Variants in USP25 observed in about 807,000 individuals in gnomAD.
USP25 encodes the protein ubiquitin carboxyl-terminal hydrolase 25.
In USP25, 85 loss-of-function variants were observed where a neutral mutation model predicts 158.5. That is an observed-to-expected ratio of 0.54 (90% CI 0.45 to 0.64). The LOEUF is 0.64. Ranked by LOEUF, USP25 falls within the 30% of genes least tolerant of loss-of-function variation. The pLI is 0.00. For missense variants in USP25, 1,242 were observed against 1,327.3 expected, an observed-to-expected ratio of 0.94 and a Z score of 1.00; for synonymous variants, 464 against 460.4, an observed-to-expected ratio of 1.01 and a Z score of -0.10.
intron 2 of USP25, among the ~76,000 whole-genome samples, chr21:15,765,186 T>A (rs1351334633): frequency 6.6e-6 from 1 of 152,146 alleles, no homozygotes; most frequent in East Asian, 1.9e-4. Context: ...CAAAGATAGC[T>A]TCGTTGTGAA....
At chr21:15,808,950 C>A in intron 8 of USP25, 65 bp downstream of exon 8, 1 of 1,142,860 alleles carries the variant, frequency 8.7e-7, no homozygotes, top group Non-Finnish European at 1.3e-6. Context: ...TATTAAATGT[C>A]AACAGAGAAA....
chr21:15,762,634 A>T (rs1259912435), intron 1 of USP25, among the ~76,000 whole-genome samples: 1 of 152,190 alleles, frequency 6.6e-6, no homozygotes, highest in Non-Finnish European at 1.5e-5. Context: ...CTAATTCAGT[A>T]AGACTTATTG....
At chr21:15,750,415 A>G (rs1161934113) in intron 1 of USP25, among the ~76,000 whole-genome samples, 1 of 147,338 alleles carries the variant, frequency 6.8e-6, no homozygotes, top group African/African-American at 2.5e-5. Flanking sequence ...TTTTTAGTAG[A>G]GATGGAGTTT....
At chr21:15,834,708 T>C (rs1227644082) in intron 17 of USP25, among the ~76,000 whole-genome samples, 1 of 152,192 alleles carries the variant, frequency 6.6e-6, no homozygotes, top group Non-Finnish European at 1.5e-5. Flanking sequence ...GTCGTTGATT[T>C]TGATCCTGAG....
chr21:15,836,987 C>G, intron 17 of USP25, among the ~76,000 whole-genome samples: 1 of 106,728 alleles, frequency 9.4e-6, no homozygotes, highest in East Asian at 3.2e-4. Context: ...AGCCAGCCAT[C>G]CTTTGCTGTC....
intron 23 of USP25, among the ~76,000 whole-genome samples, chr21:15,872,101 G>T (rs1483478480): frequency 8.1e-6 from 1 of 123,180 alleles, no homozygotes. Context: ...ATTGCCAAAA[G>T]ATTCTGTCAA....
chr21:15,782,445 C>T (rs546249898), intron 4 of USP25, among the ~76,000 whole-genome samples: 1 of 152,274 alleles, frequency 6.6e-6, no homozygotes, highest in Non-Finnish European at 1.5e-5. Flanking sequence ...TGTGTGCATC[C>T]ACCCCTGGCC....
At chr21:15,866,237 ACGCT>A (rs767366740) in intron 21 of USP25, 25 bp from the exon 22 acceptor site, 1 of 1,511,342 alleles carries the variant, frequency 6.6e-7, no homozygotes, top group Admixed American at 1.9e-5. Flanking sequence ...ACATACACAC[ACGCT>A]CATATGTATG....
chr21:15,744,870 G>A (rs976704431), intron 1 of USP25: 2 of 152,508 alleles, frequency 1.3e-5, no homozygotes, highest in African/African-American at 4.8e-5. Flanking sequence ...TTACAGGCGT[G>A]AGCCACCGCA....
intron 6 of USP25, 98 bp from the exon 7 acceptor site, chr21:15,805,023 G>C (rs1344078179): frequency 1.6e-6 from 2 of 1,286,166 alleles, no homozygotes; most frequent in African/African-American, 3.1e-5. Context: ...ATATTGGCTA[G>C]TTTAATTTTT....
intron 9 of USP25, among the ~76,000 whole-genome samples, chr21:15,814,942 T>C (rs766017609): frequency 6.6e-6 from 1 of 152,174 alleles, no homozygotes; most frequent in African/African-American, 2.4e-5. Context: ...GGATATGTTA[T>C]AGGTCTTCCT....
intron 4 of USP25, among the ~76,000 whole-genome samples, chr21:15,784,642 G>T (rs1464945679): frequency 6.6e-6 from 1 of 152,090 alleles, no homozygotes; most frequent in African/African-American, 2.4e-5. Flanking sequence ...GGGGAGTGAG[G>T]GGAAAAAGTC....
At chr21:15,799,689 C>A in intron 5 of USP25, 68 bp from the exon 6 acceptor site, 2 of 1,077,892 alleles carry the variant, frequency 1.9e-6, no homozygotes, top group Non-Finnish European at 2.7e-6. Context: ...ACCTCCAAGA[C>A]TAGTCATTTT....
chr21:15,766,999 G>A lies in USP25; in HGVS notation c.268+858G>A, dbSNP rs185193994. On this transcript the variant is annotated intron_variant, in intron 3 of 25. Coordinates refer to ENST00000400183, the MANE Select transcript of USP25 (RefSeq NM_001283041.3). The surrounding 1 kb of genome is among the most constrained non-coding windows in gnomAD (Gnocchi z 4.0). ...ATTTTTAGTTTTCAGGATAATCTTA[G>A]CATTTTTGCTACATAGATGATCTTG... Among the ~76,000 whole-genome samples the A allele has an allele frequency of 1.8e-3, 275 of 152,070 alleles. No individual in the cohort carries two copies. The highest frequency in any genetic ancestry group is 3.3e-3 in the Non-Finnish European group (227 of 67,918).
At chr21:15,737,206 G>C (rs1601234242) in intron 1 of USP25, among the ~76,000 whole-genome samples, 1 of 151,778 alleles carries the variant, frequency 6.6e-6, no homozygotes, top group Non-Finnish European at 1.5e-5. Flanking sequence ...TAACTTTTTA[G>C]TTTGATTATC....
At chr21:15,829,185 G>A (rs2037676815) in intron 14 of USP25, among the ~76,000 whole-genome samples, 1 of 151,688 alleles carries the variant, frequency 6.6e-6, no homozygotes. Flanking sequence ...TTATGTTCAG[G>A]GGTACATGTG....
chr21:15,844,234 A>C (rs1164133877), intron 18 of USP25, among the ~76,000 whole-genome samples: 1 of 152,150 alleles, frequency 6.6e-6, no homozygotes, highest in Non-Finnish European at 1.5e-5. Flanking sequence ...TAACTACTTC[A>C]TAGCGGTTTT....
At chr21:15,870,219 C>A in intron 23 of USP25, 72 bp downstream of exon 23, 1 of 990,482 alleles carries the variant, frequency 1.0e-6, no homozygotes, top group Non-Finnish European at 1.5e-6. Flanking sequence ...TGACCTCATC[C>A]ATGGAAAAGA....
chr21:15,791,100 GT>G (rs2035566078), intron 4 of USP25, among the ~76,000 whole-genome samples: 1 of 151,760 alleles, frequency 6.6e-6, no homozygotes, highest in African/African-American at 2.4e-5. Flanking sequence ...AACTTGTTCA[GT>G]TTTTAATGTT....
Sources: gnomAD v4.1 joint callset for allele counts (sites outside exome capture counted in the v4.1 genomes callset) on GRCh38, gnomAD v4.1.1 for gene constraint, Gnocchi (gnomAD v3.1) non-coding constraint, MANE v1.5 for transcripts, NCBI Gene and HGNC (gene_info 2026-07-23, HGNC 2026-07-21) for gene names.